GLE1: variants seen among roughly 807,000 people sequenced by gnomAD.
GLE1 encodes mRNA export factor GLE1.
GLE1 carries 78 observed loss-of-function variants against 97.3 expected under a neutral mutation model. That is an observed-to-expected ratio of 0.80 (90% CI 0.67 to 0.97). The LOEUF (loss-of-function observed/expected upper bound fraction) is 0.97. GLE1 is among the 50% of genes least tolerant of loss of function. The probability of loss-of-function intolerance (pLI) is 0.00; values close to 1 mark genes in which losing one functional copy is unlikely to be tolerated. For missense variants in GLE1, 753 were observed against 857.5 expected (o/e 0.88, Z 1.52); for synonymous variants, 302 against 313.4 (o/e 0.96, Z 0.39).
chr9:128,527,299 A>T lies in GLE1; in HGVS notation c.1242+8A>T. ...AACAGCAAGGACAGTCAGGTAGGGG[A>T]GAGGTATATGGCAGTAATTTTGTGG... On this transcript the variant is annotated splice_region_variant and intron_variant, in intron 8 of 15. Coordinates refer to ENST00000309971, the MANE Select transcript of GLE1 (RefSeq NM_001003722.2). 1 of 1,505,912 alleles carries T rather than the reference A, an allele frequency of 6.6e-7. No individual in the cohort carries two copies. The highest frequency in any genetic ancestry group is 9.2e-7 in the Non-Finnish European group (1 of 1,081,136). The allele number at this position is 1,505,912 out of a possible 1,614,324, so 93.3% of individuals were successfully genotyped here.
In GLE1 at chr9:128,504,926, C is replaced by T. The variant is rs367898499; in HGVS notation, c.99+22C>T. ...CGAGGTGAGCGGTGGCCCCGGAGGA[C>T]GTAGGCCTTTCCGGCCCCTCGCGAC... On this transcript the variant is annotated intron_variant, in intron 1 of 15. Coordinates refer to ENST00000309971, the MANE Select transcript of GLE1 (RefSeq NM_001003722.2). 1.6e-5 allele frequency: 25 copies of T among 1,521,276 alleles called. No individual in the cohort carries two copies. The African/African-American group carries it at 3.0e-4, about 18-fold the overall frequency. The allele number at this position is 1,521,276 out of a possible 1,614,324, so 94.2% of individuals were successfully genotyped here.
intron 2 of GLE1, among the ~76,000 whole-genome samples, chr9:128,509,651 C>CAAAAAAAA (rs200898903): frequency 7.9e-6 from 1 of 126,032 alleles, no homozygotes. Context: ...CTCCTAAACG[C>CAAAAAAAA]AAAAAAAAAA....
rs768651773 is a variant in GLE1 at position 128,527,285 on chromosome 9, C to T, written c.1236C>T (p.Asp412=). 1 of 1,573,270 alleles carries T rather than the reference C, an allele frequency of 6.4e-7. No individual in the cohort carries two copies. Among genetic ancestry groups the T allele is most frequent in the Non-Finnish European group, 8.8e-7 (1 of 1,142,714 alleles). The change falls in exon 8 of 16, where the codon GAC becomes GAT. Residue 412 remains aspartate (D), a synonymous_variant. Transcript: ENST00000309971. ...TTGAGGGCCTGACCAACAGCAAGGA[C>T]AGTCAGGTAGGGGAGAGGTATATGG... The part of the protein sequence containing the change: ...LTFEGLTNSK[D]SQAKKIKMDL...
intron 2 of GLE1, among the ~76,000 whole-genome samples, chr9:128,509,492 C>T (rs905297158): frequency 6.6e-6 from 1 of 152,014 alleles, no homozygotes; most frequent in East Asian, 1.9e-4. Context: ...TACCCTATTC[C>T]TGGCTCTGTT....
chr9:128,532,311 G>T (rs1016202026), intron 9 of GLE1, among the ~76,000 whole-genome samples: 3 of 136,158 alleles, frequency 2.2e-5, no homozygotes, highest in Admixed American at 8.7e-5. Flanking sequence ...TGTAACCTGC[G>T]CTTCCTGGGT....
rs149283351 is a variant in GLE1, at chr9:128,533,631, A to T, written c.1431A>T (p.Gln477His). The T allele has an allele frequency of 2.5e-6, 4 of 1,614,158 alleles. No individual in the cohort carries two copies. In the Admixed American group the frequency reaches 6.7e-5, roughly 27 times the overall value. ...ACCCACAGGGGCTGGACTTTGTTCAATACAAACTGGCAGAGAAATTTGTGG... is the reference window on the plus strand; with the variant it reads ...ACCCACAGGGGCTGGACTTTGTTCATTACAAACTGGCAGAGAAATTTGTGG... ...TLNPQGLDFV[Q>H]YKLAEKFVKQ... The change falls in exon 10 of 16, where the codon CAA (glutamine) becomes CAT (histidine). Residue 477 changes from glutamine (Q) to histidine (H), a missense_variant. By Grantham distance (24) the Gln-to-His change is conservative. Coordinates refer to ENST00000309971, the MANE Select transcript of GLE1 (RefSeq NM_001003722.2).
At chr9:128,507,585 C>CA (rs373872187) in intron 1 of GLE1, among the ~76,000 whole-genome samples, 930 of 75,064 alleles carry the variant, frequency 0.012, 8 homozygotes, top group Middle Eastern at 0.019. Flanking sequence ...GCCTGTCTCT[C>CA]AAAAAAAAAA....
rs1454912743 is a variant in GLE1 at position 128,541,139 on chromosome 9, GCTTT to G, written c.2069_2072del (p.Phe690Ter). The G allele has an allele frequency of 6.3e-7, 1 of 1,593,804 alleles. No homozygotes were observed. The highest frequency in any genetic ancestry group is 8.6e-7 in the Non-Finnish European group (1 of 1,161,504). The stretch of plus-strand genomic sequence containing the variant: ...CACAAGGACATTCCTGTCCCCAAGG[GCTTT>G]CTGACTTCCTCCTTCTGGCGCTCCT... On this transcript the variant is annotated frameshift_variant, in exon 16 of 16. Transcript: ENST00000309971. LOFTEE classifies it high-confidence loss of function.
intron 3 of GLE1, among the ~76,000 whole-genome samples, chr9:128,516,866 T>C (rs1247248320): frequency 6.6e-6 from 1 of 151,594 alleles, no homozygotes; most frequent in African/African-American, 2.4e-5. Context: ...CCTCAGGTGA[T>C]CCACCCACCT....
chr9:128,527,374 C>A, intron 8 of GLE1, 82 bp from the exon 9 acceptor site: 2 of 1,278,198 alleles, frequency 1.6e-6, no homozygotes, highest in Non-Finnish European at 2.3e-6. Flanking sequence ...AGGAATGTAG[C>A]TGGCATGTCA....
intron 1 of GLE1, among the ~76,000 whole-genome samples, chr9:128,507,812 C>T (rs1170078519): frequency 6.7e-6 from 1 of 150,208 alleles, no homozygotes. Flanking sequence ...TGCTTGAACC[C>T]GGGAGGTGGA....
chr9:128,527,311 C>A lies in GLE1; in HGVS notation c.1242+20C>A, dbSNP rs1207030057. The A allele has an allele frequency of 6.9e-7, 1 of 1,449,626 alleles. No individual in the cohort carries two copies. Among genetic ancestry groups the A allele is most frequent in the Non-Finnish European group, 9.7e-7 (1 of 1,029,790 alleles). 89.8% of individuals were successfully genotyped at this position (1,449,626 alleles called of 1,614,324 possible). A position where few individuals can be genotyped will look rare whatever the true frequency, so the allele number is the denominator to read the frequency against. On this transcript the variant is annotated intron_variant, in intron 8 of 15. Coordinates refer to ENST00000309971, the MANE Select transcript of GLE1 (RefSeq NM_001003722.2). ...AGTCAGGTAGGGGAGAGGTATATGGCAGTAATTTTGTGGACTTGATGGTTC... is the reference window on the plus strand; with the variant it reads ...AGTCAGGTAGGGGAGAGGTATATGGAAGTAATTTTGTGGACTTGATGGTTC...
intron 4 of GLE1, 60 bp from the exon 5 acceptor site, chr9:128,523,220 G>A: frequency 7.9e-7 from 1 of 1,266,378 alleles, no homozygotes; most frequent in Non-Finnish European, 1.2e-6. Flanking sequence ...AGAAAAGAAA[G>A]AAAGAAAAAC....
chr9:128,535,734 T>G (rs1258153655), intron 11 of GLE1, among the ~76,000 whole-genome samples: 1 of 151,996 alleles, frequency 6.6e-6, no homozygotes, highest in Non-Finnish European at 1.5e-5. Flanking sequence ...GGCAGAAGAA[T>G]CGCTTGAACC....
intron 11 of GLE1, among the ~76,000 whole-genome samples, chr9:128,535,408 G>C (rs1444590269): frequency 1.3e-5 from 2 of 150,792 alleles, no homozygotes; most frequent in African/African-American, 4.9e-5. Flanking sequence ...TGTAATCCCA[G>C]CCACTCAGGA....
At chr9:128,511,401 T>C (rs1387085196) in intron 2 of GLE1, among the ~76,000 whole-genome samples, 2 of 151,120 alleles carry the variant, frequency 1.3e-5, no homozygotes, top group Non-Finnish European at 3.0e-5. Flanking sequence ...CACCTAAATG[T>C]CATACCTTAT....
In GLE1 at chr9:128,525,309, C is replaced by A. The variant is rs368316357; in HGVS notation, c.1015C>A (p.Gln339Lys). Residue 339 changes from glutamine to lysine, a missense_variant, in exon 7 of 16, where the codon CAG becomes AAG. Transcript: ENST00000309971. ...ITRACEDKRR[Q>K]DEEEAQVKLQ... ...CAGAGCCTGCGAAGACAAGAGGAGG[C>A]AGGATGAAGAAGAGGCCCAGGTAAA... 1 of 1,613,846 alleles carries A rather than the reference C, an allele frequency of 6.2e-7. No individual in the cohort carries two copies. Among genetic ancestry groups the A allele is most frequent in the Non-Finnish European group, 8.5e-7 (1 of 1,179,912 alleles).
chr9:128,519,087 C>G (rs1284116039), intron 3 of GLE1, among the ~76,000 whole-genome samples: 1 of 152,178 alleles, frequency 6.6e-6, no homozygotes, highest in Non-Finnish European at 1.5e-5. Flanking sequence ...AATCAATACC[C>G]TTGTGATTTC....
At chr9:128,523,481 C>T (rs1847210761) in intron 5 of GLE1, 111 bp from the exon 6 acceptor site, 1 of 1,454,166 alleles carries the variant, frequency 6.9e-7, no homozygotes, top group Non-Finnish European at 9.7e-7. Flanking sequence ...ATGTCCTCTT[C>T]CTGCTCTGAG....
Sources: gnomAD v4.1 joint callset for allele counts (sites outside exome capture counted in the v4.1 genomes callset) on GRCh38, gnomAD v4.1.1 for gene constraint, MANE v1.5 for transcripts, NCBI Gene and HGNC (gene_info 2026-07-23, HGNC 2026-07-21) for gene names.